PRMT3: variants seen among roughly 807,000 people sequenced by gnomAD.
PRMT3 encodes the protein protein arginine N-methyltransferase 3.
Under a neutral mutation model 71.9 loss-of-function variants are expected in PRMT3, and 62 were observed. The observed-to-expected ratio is 0.86, with a 90% CI of 0.70 to 1.07. PRMT3 has a LOEUF of 1.07. Ranked by LOEUF, PRMT3 falls within the 50% of genes least tolerant of loss-of-function variation. The pLI is 0.00. For synonymous variants in PRMT3, 213 were observed against 220.4 expected, an observed-to-expected ratio of 0.97 and a Z score of 0.30; for missense variants, 663 against 643.0, an observed-to-expected ratio of 1.03 and a Z score of -0.34.
At chr11:20,408,166 A>G (rs1590041433) in intron 9 of PRMT3, 134 bp downstream of exon 9, 1 of 541,554 alleles carries the variant, frequency 1.8e-6, no homozygotes, top group East Asian at 3.6e-5. Flanking sequence ...CTCCAGAATA[A>G]TAAGATTTTA....
chr11:20,441,167 C>T (rs571626113), intron 10 of PRMT3, among the ~76,000 whole-genome samples: 1 of 151,866 alleles, frequency 6.6e-6, no homozygotes, highest in South Asian at 2.1e-4. Context: ...TCGTTTTATA[C>T]TGCCTAAACT....
At chr11:20,459,689 C>T (rs1214547070) in intron 11 of PRMT3, among the ~76,000 whole-genome samples, 1 of 152,188 alleles carries the variant, frequency 6.6e-6, no homozygotes, top group Non-Finnish European at 1.5e-5. Context: ...TGTAATTATT[C>T]AGTCCAACAA....
intron 9 of PRMT3, among the ~76,000 whole-genome samples, chr11:20,413,696 TG>T (rs923093543): frequency 6.6e-6 from 1 of 152,188 alleles, no homozygotes; most frequent in African/African-American, 2.4e-5. Context: ...ACTACTTTTT[TG>T]TCTTCTTTCT....
chr11:20,499,353 G>T (rs1010090192), intron 15 of PRMT3, among the ~76,000 whole-genome samples: 3 of 152,162 alleles, frequency 2.0e-5, no homozygotes, highest in African/African-American at 7.2e-5. Context: ...CAGGCGTGGT[G>T]GTTCATGCCT....
At chr11:20,455,580 C>T (rs988738147) in intron 11 of PRMT3, among the ~76,000 whole-genome samples, 1 of 151,984 alleles carries the variant, frequency 6.6e-6, no homozygotes, top group African/African-American at 2.4e-5. Flanking sequence ...GCTGAAGTAG[C>T]AATTCCCACC....
At chr11:20,409,001 G>A (rs1032083134) in intron 9 of PRMT3, among the ~76,000 whole-genome samples, 1 of 152,116 alleles carries the variant, frequency 6.6e-6, no homozygotes, top group Admixed American at 6.6e-5. Context: ...GGAGACTGAG[G>A]CAGGAGGATT....
Position 20,504,091 on chromosome 11 carries a change from G to C in PRMT3, c.1487-4213G>C, listed in dbSNP as rs560373423. 2.6e-5 allele frequency among the ~76,000 whole-genome samples: 4 copies of C among 152,246 alleles called. No individual in the cohort carries two copies. The East Asian group carries it at 5.8e-4, about 22-fold the overall frequency. ...TGATGTTGGGCATTGTTTCATATGT[G>C]TATTGGCCATTTTTATATCTTCTTG... On this transcript the variant is annotated intron_variant, in intron 15 of 15. Transcript: ENST00000331079.
chr11:20,436,941 G>T (rs181177326), intron 10 of PRMT3, among the ~76,000 whole-genome samples: 231 of 152,152 alleles, frequency 1.5e-3, no homozygotes, highest in Non-Finnish European at 2.4e-3. Context: ...TTTTATTACA[G>T]ATTCAATCTA....
At chr11:20,456,987 C>T (rs1456110565) in intron 11 of PRMT3, among the ~76,000 whole-genome samples, 1 of 152,108 alleles carries the variant, frequency 6.6e-6, no homozygotes, top group East Asian at 1.9e-4. Context: ...AATTCTCCTG[C>T]CTCAGCCTCT....
chr11:20,505,350 T>C (rs1851565602), intron 15 of PRMT3, among the ~76,000 whole-genome samples: 1 of 152,206 alleles, frequency 6.6e-6, no homozygotes, highest in Admixed American at 6.5e-5. Flanking sequence ...TATTTTTGAA[T>C]CTCAAGTGTC....
intron 10 of PRMT3, among the ~76,000 whole-genome samples, chr11:20,441,499 G>C (rs1251844907): frequency 6.6e-6 from 1 of 151,626 alleles, no homozygotes; most frequent in Non-Finnish European, 1.5e-5. Flanking sequence ...AGTAGAGACG[G>C]GGTTTCACCA....
At chr11:20,416,426 C>T (rs1475227416) in intron 9 of PRMT3, among the ~76,000 whole-genome samples, 1 of 152,096 alleles carries the variant, frequency 6.6e-6, no homozygotes, top group African/African-American at 2.4e-5. Context: ...AATATCAGCT[C>T]CCCGTGGTGT....
At chr11:20,398,186 A>G (rs10741835) in intron 7 of PRMT3, among the ~76,000 whole-genome samples, 124,776 of 152,058 alleles carry the variant, frequency 0.82, 53,112 homozygotes, top group Non-Finnish European at 0.95. Flanking sequence ...TAAATTATAT[A>G]TTACCTTTTA....
chr11:20,464,703 T>C (rs970163048), intron 13 of PRMT3, among the ~76,000 whole-genome samples, 157 bp downstream of exon 13: 1 of 152,192 alleles, frequency 6.6e-6, no homozygotes, highest in Non-Finnish European at 1.5e-5. Flanking sequence ...ATCTGGTTAA[T>C]AGGTCAGTAA....
intron 13 of PRMT3, among the ~76,000 whole-genome samples, chr11:20,490,290 C>T (rs1179910125): frequency 6.6e-6 from 1 of 152,086 alleles, no homozygotes; most frequent in East Asian, 1.9e-4. Context: ...AGGCATTTCA[C>T]ATAGATGCAA....
intron 9 of PRMT3, among the ~76,000 whole-genome samples, chr11:20,411,144 A>C (rs1004624251): frequency 4.6e-5 from 7 of 152,098 alleles, no homozygotes; most frequent in Non-Finnish European, 1.0e-4. Flanking sequence ...TTTTCATTAA[A>C]ATTATTAGGG....
At chr11:20,506,599 T>C (rs1851596894) in intron 15 of PRMT3, among the ~76,000 whole-genome samples, 1 of 152,356 alleles carries the variant, frequency 6.6e-6, no homozygotes, top group Admixed American at 6.5e-5. Context: ...TTCACTACCA[T>C]CTTGAAAAGC....
chr11:20,412,401 C>T (rs200628823), intron 9 of PRMT3, among the ~76,000 whole-genome samples: 2 of 151,770 alleles, frequency 1.3e-5, no homozygotes, highest in African/African-American at 2.4e-5. Context: ...GTCTGAACCC[C>T]CCCCCCACCT....
intron 15 of PRMT3, among the ~76,000 whole-genome samples, chr11:20,506,783 A>C (rs1772679321): frequency 6.6e-6 from 1 of 152,224 alleles, no homozygotes; most frequent in Admixed American, 6.5e-5. Flanking sequence ...AATATTATTT[A>C]AGCAAAGAAT....
Sources: allele counts gnomAD v4.1 joint callset (sites outside exome capture counted in the v4.1 genomes callset), GRCh38; gene constraint gnomAD v4.1.1; transcripts MANE v1.5; gene names NCBI Gene and HGNC (gene_info 2026-07-23, HGNC 2026-07-21).